TMEM74: variants seen among roughly 807,000 people sequenced by gnomAD.
The protein encoded by TMEM74 is transmembrane protein 74.
In TMEM74, 13 loss-of-function variants were observed where a neutral mutation model predicts 18.1. The ratio of observed to expected loss-of-function variants is 0.72; its 90% CI spans 0.47 to 1.14. TMEM74 has a LOEUF of 1.14. TMEM74 is among the 50% of genes most tolerant of loss of function. The pLI is 0.00. For synonymous variants in TMEM74, 159 were observed against 146.6 expected (o/e 1.08, Z -0.61); for missense variants, 372 against 375.9 (o/e 0.99, Z 0.09).
rs1210349682 is a variant in TMEM74, at chr8:108,756,773, G to GGGAGGGCA, written n.119+30695_119+30702dup. Among the ~76,000 whole-genome samples the GGGAGGGCA allele has an allele frequency of 4.8e-5, 5 of 104,884 alleles. 1 individual carries two copies. The highest frequency in any genetic ancestry group is 9.4e-5 in the Non-Finnish European group (5 of 53,238). The allele number at this position is 104,884 out of a possible 152,430, so 68.8% of individuals were successfully genotyped here. A position where few individuals can be genotyped will look rare whatever the true frequency, so the allele number is the denominator to read the frequency against. On this transcript the variant is annotated intron_variant and non_coding_transcript_variant, in intron 1 of 3. Coordinates refer to the TMEM74 transcript ENST00000518838. The stretch of plus-strand genomic sequence containing the variant: ...GGAGGGAGGGAGGGAGGGAGGGGAG[G>GGGAGGGCA]GGAGGGCAGGAGGGGAGGGAAGGGG...
chr8:108,655,082 C>T (rs928302804), intron 2 of TMEM74, among the ~76,000 whole-genome samples: 1 of 151,974 alleles, frequency 6.6e-6, no homozygotes. Flanking sequence ...AAATCTTGTA[C>T]TTTCTTTTTC....
intron 2 of TMEM74, among the ~76,000 whole-genome samples, chr8:108,651,273 T>C (rs1435723770): frequency 6.6e-6 from 1 of 152,192 alleles, no homozygotes; most frequent in Non-Finnish European, 1.5e-5. Context: ...TGAATCTTTT[T>C]TTCCTTGCTA....
intron 1 of TMEM74, among the ~76,000 whole-genome samples, chr8:108,702,473 G>A (rs1813347359): frequency 6.6e-6 from 1 of 151,824 alleles, no homozygotes; most frequent in Non-Finnish European, 1.5e-5. Context: ...CTGGAGAGCT[G>A]GCCATCCACA....
chr8:108,763,643 T>C (rs1160653902), intron 1 of TMEM74, among the ~76,000 whole-genome samples: 1 of 152,148 alleles, frequency 6.6e-6, no homozygotes, highest in African/African-American at 2.4e-5. Flanking sequence ...AGTAAACATA[T>C]GTCAGCACTT....
chr8:108,734,938 A>C (rs1813730752), intron 1 of TMEM74, among the ~76,000 whole-genome samples: 1 of 152,230 alleles, frequency 6.6e-6, no homozygotes, highest in African/African-American at 2.4e-5. Flanking sequence ...CTTGTAGTTC[A>C]ATGGCATAGT....
intron 2 of TMEM74, among the ~76,000 whole-genome samples, chr8:108,630,039 C>A (rs1056897667): frequency 6.6e-6 from 1 of 151,948 alleles, no homozygotes; most frequent in Non-Finnish European, 1.5e-5. Context: ...CACAGACTGG[C>A]AAATTGGATA....
chr8:108,639,645 G>A (rs1426159201), intron 2 of TMEM74, among the ~76,000 whole-genome samples: 1 of 151,900 alleles, frequency 6.6e-6, no homozygotes, highest in East Asian at 1.9e-4. Flanking sequence ...TATCATATAG[G>A]GCTCTTCTTA....
At chr8:108,763,827 C>T (rs1417143552) in intron 1 of TMEM74, among the ~76,000 whole-genome samples, 2 of 152,140 alleles carry the variant, frequency 1.3e-5, no homozygotes, top group African/African-American at 4.8e-5. Context: ...TGACAATTTG[C>T]ATAGTCTCAG....
At chr8:108,764,476 A>G (rs1469840799) in intron 1 of TMEM74, among the ~76,000 whole-genome samples, 2 of 152,220 alleles carry the variant, frequency 1.3e-5, no homozygotes, top group East Asian at 1.9e-4. Context: ...ATGAGATTAA[A>G]TAAAAGAGTA....
chr8:108,746,382 C>T (rs963886265), intron 1 of TMEM74, among the ~76,000 whole-genome samples: 5 of 151,980 alleles, frequency 3.3e-5, no homozygotes, highest in African/African-American at 1.2e-4. Flanking sequence ...CTTGTATGTG[C>T]ACCATCACAG....
intron 1 of TMEM74, among the ~76,000 whole-genome samples, chr8:108,763,644 G>A (rs1814069887): frequency 6.6e-6 from 1 of 152,028 alleles, no homozygotes. Flanking sequence ...GTAAACATAT[G>A]TCAGCACTTA....
intron 1 of TMEM74, among the ~76,000 whole-genome samples, chr8:108,657,859 AATATATATATATATAT>A (rs1175396487): frequency 0.029 from 1,447 of 49,720 alleles, 79 homozygotes; most frequent in South Asian, 0.034. Flanking sequence ...AAAAAAAAAA[AATATATATATATATAT>A]ATATATATAT....
At chr8:108,735,614 A>G (rs149407530) in intron 1 of TMEM74, among the ~76,000 whole-genome samples, 63 of 152,300 alleles carry the variant, frequency 4.1e-4, no homozygotes, top group Middle Eastern at 3.4e-3. Flanking sequence ...TTGTCCATCA[A>G]TGGACATTTG....
intron 2 of TMEM74, chr8:108,652,517 C>A: frequency 2.2e-6 from 1 of 449,096 alleles, no homozygotes; most frequent in Non-Finnish European, 4.1e-6. Flanking sequence ...ACCCTGACCA[C>A]CAGAGTGCAG....
chr8:108,701,778 TAA>T (rs1359828754), intron 1 of TMEM74, among the ~76,000 whole-genome samples: 1 of 152,174 alleles, frequency 6.6e-6, no homozygotes, highest in Non-Finnish European at 1.5e-5. Context: ...TATGTTCATG[TAA>T]AGAGTCAGTA....
intron 2 of TMEM74, chr8:108,652,677 C>A: frequency 3.4e-6 from 2 of 586,894 alleles, no homozygotes; most frequent in South Asian, 1.8e-5. Context: ...TGCAGAAAAT[C>A]CAGGAATCTG....
At chr8:108,629,113 A>C (rs999361415) in intron 2 of TMEM74, among the ~76,000 whole-genome samples, 3 of 151,962 alleles carry the variant, frequency 2.0e-5, no homozygotes, top group African/African-American at 7.2e-5. Flanking sequence ...TGCTAACTAG[A>C]ATAACCAGTT....
rs1812860841 is a variant in TMEM74, at chr8:108,657,896, A to ATATATG, written n.120-2460_120-2459insCATATA. The stretch of plus-strand genomic sequence containing the variant: ...TATATATATATATATATATATATAT[A>ATATATG]TATATATTAATTACATATATATATT... On this transcript the variant is annotated intron_variant and non_coding_transcript_variant, in intron 1 of 3. Coordinates refer to the TMEM74 transcript ENST00000518838. 4.1e-5 allele frequency among the ~76,000 whole-genome samples: 5 copies of ATATATG among 123,066 alleles called. No individual in the cohort carries two copies. In the East Asian group the frequency reaches 1.1e-3, roughly 28 times the overall value. 80.7% of individuals were successfully genotyped at this position (123,066 alleles called of 152,430 possible). A position where few individuals can be genotyped will look rare whatever the true frequency, so the allele number is the denominator to read the frequency against.
intron 1 of TMEM74, among the ~76,000 whole-genome samples, chr8:108,674,270 A>C (rs1234727404): frequency 6.6e-6 from 1 of 152,154 alleles, no homozygotes; most frequent in African/African-American, 2.4e-5. Context: ...GGTGCTTCAT[A>C]AGTTTGTTAA....
Sources: allele counts gnomAD v4.1 joint callset (sites outside exome capture counted in the v4.1 genomes callset), GRCh38; gene constraint gnomAD v4.1.1; transcripts MANE v1.5; gene names NCBI Gene and HGNC (gene_info 2026-07-23, HGNC 2026-07-21).